The following CSPG4 variants were observed in gnomAD, a reference collection of about 807,000 sequenced individuals.
The protein encoded by CSPG4 is chondroitin sulfate proteoglycan 4 (melanoma-associated).
CSPG4 carries 74 observed loss-of-function variants against 139.3 expected under a neutral mutation model. The observed-to-expected ratio is 0.53, with a 90% CI of 0.44 to 0.64. CSPG4 has a LOEUF of 0.64. Ranked by LOEUF, CSPG4 falls within the 30% of genes least tolerant of loss-of-function variation. The pLI, the probability that CSPG4 is intolerant of heterozygous loss-of-function variation, is 0.00. For synonymous variants in CSPG4, 1,234 were observed against 1,394.2 expected (o/e 0.89, Z 2.56); for missense variants, 2,565 against 3,148.3 (o/e 0.81, Z 4.43).
chr15:75,687,852 T>C lies in CSPG4; in HGVS notation c.3213A>G (p.Val1071=), dbSNP rs923368409. The part of the protein sequence containing the change: ...KDLLFGSIVA[V]DEPTRPIYRF... ...GGTAGATGGGCCGCGTGGGCTCATC[T>C]ACGGCCACGATACTGCCAAAGAGGA... Residue 1071 remains valine (V), a synonymous_variant, in exon 3 of 10, where the codon GTA becomes GTG. Transcript: ENST00000308508. The surrounding 1 kb of genome is among the most constrained non-coding windows in gnomAD (Gnocchi z 5.4). 1 of 1,612,934 alleles carries C rather than the reference T, an allele frequency of 6.2e-7. No homozygotes were observed. Among genetic ancestry groups the C allele is most frequent in the Non-Finnish European group, 8.5e-7 (1 of 1,180,028 alleles).
At position 75,676,992 on chromosome 15, in the gene CSPG4, GC is replaced by G; in HGVS notation, c.5526del (p.Leu1843SerfsTer14). ...PPQPQASVPLRLTRGSRAPIS... is the reference protein window; with the variant it reads ...PPQPQASVPLXLTRGSRAPIS... ...ATGGGGGCACGAGAGCCTCGGGTGA[GC>G]CGGAGTGGGACAGAGGCCTGTGGCT... On this transcript the variant is annotated frameshift_variant, in exon 10 of 10. Coordinates refer to ENST00000308508, the MANE Select transcript of CSPG4 (RefSeq NM_001897.5). LOFTEE classifies it low-confidence loss of function (END_TRUNC). The G allele has an allele frequency of 1.4e-6, 2 of 1,470,822 alleles. No homozygotes were observed. The highest frequency in any genetic ancestry group is 1.8e-6 in the Non-Finnish European group (2 of 1,105,222). The allele number at this position is 1,470,822 out of a possible 1,614,324, so 91.1% of individuals were successfully genotyped here.
intron 8 of CSPG4, 85 bp downstream of exon 8, chr15:75,682,208 C>T (rs545688750): frequency 9.4e-6 from 14 of 1,495,308 alleles, no homozygotes; most frequent in Admixed American, 3.4e-5. Context: ...CTGGAGCTGG[C>T]ATCCATGTCC....
At chr15:75,706,080 A>C (rs944901636) in intron 1 of CSPG4, among the ~76,000 whole-genome samples, 5 of 152,132 alleles carry the variant, frequency 3.3e-5, no homozygotes, top group African/African-American at 1.2e-4. Context: ...TGGCCCCAGC[A>C]ACTGTGCACA....
At chr15:75,712,098 T>G (rs1596015664) in intron 1 of CSPG4, among the ~76,000 whole-genome samples, 2 of 115,488 alleles carry the variant, frequency 1.7e-5, no homozygotes, top group African/African-American at 3.3e-5. Flanking sequence ...AGAGGGGAGG[T>G]GGCAGATAGA....
Position 75,693,157 on chromosome 15 carries a change from G to C in CSPG4, c.165C>G (p.Phe55Leu). The C allele has an allele frequency of 6.2e-7, 1 of 1,606,284 alleles. No homozygotes were observed. Among genetic ancestry groups the C allele is most frequent in the Non-Finnish European group, 8.5e-7 (1 of 1,177,288 alleles). ...ALTDIDLQLQ[F>L]STSQPEALLL... ...GGAGGGCTTCGGGCTGGGACGTGGAGAACTGCAGCTGCAGGTCTATGTCGG... is the reference window on the plus strand; with the variant it reads ...GGAGGGCTTCGGGCTGGGACGTGGACAACTGCAGCTGCAGGTCTATGTCGG... The change falls in exon 2 of 10, where the codon TTC becomes TTG. Residue 55 changes from phenylalanine to leucine, a missense_variant. Transcript: ENST00000308508.
At chr15:75,677,913 G>C in intron 8 of CSPG4, 27 bp from the exon 9 acceptor site, 1 of 1,571,648 alleles carries the variant, frequency 6.4e-7, no homozygotes, top group Non-Finnish European at 8.6e-7. Flanking sequence ...CGTGGGGTGA[G>C]AGGCAGGTCC....
At position 75,677,397 on chromosome 15, in the gene CSPG4, C is replaced by T; in HGVS notation, c.5135-13G>A. The T allele has an allele frequency of 7.1e-7, 1 of 1,404,590 alleles. No homozygotes were observed. Among genetic ancestry groups the T allele is most frequent in the South Asian group, 1.8e-5 (1 of 56,940 alleles). The allele number at this position is 1,404,590 out of a possible 1,614,324, so 87.0% of individuals were successfully genotyped here. On this transcript the variant is annotated splice_polypyrimidine_tract_variant and intron_variant, in intron 9 of 9. Transcript: ENST00000308508. The stretch of plus-strand genomic sequence containing the variant: ...GGGACCCAGAGACCTGGGGGTGGGA[C>T]ATAGGCTATGAGGGTCCAGCCCACT...
Position 75,693,088 on chromosome 15 carries a change from G to C in CSPG4, c.234C>G (p.Leu78=), listed in dbSNP as rs1894185701. Residue 78 remains leucine, a synonymous_variant, in exon 2 of 10, where the codon CTC becomes CTG. Coordinates refer to ENST00000308508, the MANE Select transcript of CSPG4 (RefSeq NM_001897.5). ...CACTCACCTGCAGGCGTCCAGAGTA[G>C]AGCTGCAGCAGGAGGTGGTCAGCTG... ...AGPADHLLLQ[L]YSGRLQVRLV... The C allele has an allele frequency of 1.3e-6, 2 of 1,521,054 alleles. No individual in the cohort carries two copies. Among genetic ancestry groups the C allele is most frequent in the Non-Finnish European group, 9.0e-7 (1 of 1,115,878 alleles). 94.2% of individuals were successfully genotyped at this position (1,521,054 alleles called of 1,614,324 possible). A position where few individuals can be genotyped will look rare whatever the true frequency, so the allele number is the denominator to read the frequency against.
Position 75,676,478 on chromosome 15 carries a change from A to G in CSPG4, c.6041T>C (p.Phe2014Ser). The change falls in exon 10 of 10, where the codon TTC becomes TCC. Residue 2014 changes from phenylalanine (F) to serine (S), a missense_variant. Physicochemically the swap from Phe to Ser is radical, Grantham distance 155. Coordinates refer to ENST00000308508, the MANE Select transcript of CSPG4 (RefSeq NM_001897.5). The stretch of plus-strand genomic sequence containing the variant: ...GTCATGAGAGGAGGAGAAGTTGGTG[A>G]AGGCAAAGACCACCTCGCCCTGGTC... ...QIDQGEVVFA[F>S]TNFSSSHDHF... The G allele has an allele frequency of 1.9e-6, 3 of 1,613,940 alleles. No homozygotes were observed. The highest frequency in any genetic ancestry group is 2.5e-6 in the Non-Finnish European group (3 of 1,179,990).
intron 1 of CSPG4, among the ~76,000 whole-genome samples, chr15:75,710,009 C>T (rs1478405812): frequency 1.3e-5 from 2 of 151,950 alleles, no homozygotes; most frequent in East Asian, 1.9e-4. Context: ...GTGCCTGTCC[C>T]GAGCACCATC....
At chr15:75,686,507 C>A (rs1278752516) in intron 3 of CSPG4, among the ~76,000 whole-genome samples, 1 of 139,768 alleles carries the variant, frequency 7.2e-6, no homozygotes, top group Non-Finnish European at 1.6e-5. Context: ...AACCACCCCC[C>A]AAACTCACAT....
chr15:75,676,976 C>T lies in CSPG4; in HGVS notation c.5543G>A (p.Arg1848His), dbSNP rs202202335. The T allele has an allele frequency of 1.0e-3, 1,545 of 1,483,790 alleles. 1 individual carries two copies. Among genetic ancestry groups the T allele is most frequent in the Non-Finnish European group, 1.2e-3 (1,323 of 1,111,912 alleles). The allele number at this position is 1,483,790 out of a possible 1,614,324, so 91.9% of individuals were successfully genotyped here. The change falls in exon 10 of 10, where the codon CGT becomes CAT. Residue 1848 changes from arginine (R) to histidine (H), a missense_variant. Arg to His is a conservative substitution (Grantham distance 29). Coordinates refer to ENST00000308508, the MANE Select transcript of CSPG4 (RefSeq NM_001897.5). ...SVPLRLTRGSRAPISRAQLSV... is the reference protein window; with the variant it reads ...SVPLRLTRGSHAPISRAQLSV... ...CAGCTGGGCCCGGGAGATGGGGGCA[C>T]GAGAGCCTCGGGTGAGCCGGAGTGG...
At chr15:75,690,854 G>A (rs1894156745) in intron 2 of CSPG4, 42 bp from the exon 3 acceptor site, 9 of 1,559,238 alleles carry the variant, frequency 5.8e-6, no homozygotes, top group Non-Finnish European at 7.8e-6. Flanking sequence ...ACAGCACTTT[G>A]GATCCATCAT....
chr15:75,675,594 G>A lies in CSPG4; in HGVS notation c.6925C>T (p.Arg2309Trp), dbSNP rs563285050. 12 of 1,511,806 alleles carry A rather than the reference G, an allele frequency of 7.9e-6. No individual in the cohort carries two copies. Among genetic ancestry groups the A allele is most frequent in the African/African-American group, 7.0e-5 (5 of 71,592 alleles). The allele number at this position is 1,511,806 out of a possible 1,614,324, so 93.6% of individuals were successfully genotyped here. The stretch of plus-strand genomic sequence containing the variant: ...TTCTTAAGGGCAGGGTTGGGTGTCC[G>A]GCAGAACTGCAGCAGCTCTGGGTCA... ...QPDPELLQFC[R>W]TPNPALKNGQ... Residue 2309 changes from arginine (R) to tryptophan (W), a missense_variant, in exon 10 of 10, where the codon CGG becomes TGG. Physicochemically the swap from Arg to Trp is moderately radical, Grantham distance 101. Coordinates refer to ENST00000308508, the MANE Select transcript of CSPG4 (RefSeq NM_001897.5).
At chr15:75,699,119 G>T (rs113440040) in intron 1 of CSPG4, among the ~76,000 whole-genome samples, 3,224 of 152,322 alleles carry the variant, frequency 0.021, 127 homozygotes, top group African/African-American at 0.073. Context: ...CCGAAATGCG[G>T]ACAACAGTAG....
Position 75,677,724 on chromosome 15 carries a change from T to G in CSPG4, c.5113A>C (p.Ser1705Arg). 6.2e-7 allele frequency: 1 copy of G among 1,604,056 alleles called. No homozygotes were observed. Among genetic ancestry groups the G allele is most frequent in the Non-Finnish European group, 8.5e-7 (1 of 1,175,958 alleles). The change falls in exon 9 of 10, where the codon AGC becomes CGC. Residue 1705 changes from serine to arginine, a missense_variant. Transcript: ENST00000308508. ...TCACCTTTGTTCTTCCAGAGGTGGC[T>G]GGGGCGCTGGGGACAGGCAGCCTCA... ...SFEAACPQRP[S>R]HLWKNKGLWV...
Position 75,687,476 on chromosome 15 carries a change from C to T in CSPG4, c.3589G>A (p.Val1197Ile), listed in dbSNP as rs774099952. Residue 1197 changes from valine (V) to isoleucine (I), a missense_variant, in exon 3 of 10, where the codon GTT becomes ATT. Val to Ile is a conservative substitution (Grantham distance 29, BLOSUM62 3). Around this residue, in one of 5 missense-constraint regions of CSPG4, gnomAD observed 2,316 missense variants for 2,818.2 expected, o/e 0.82. Transcript: ENST00000308508. This position sits in a 1 kb window ranked among gnomAD's most constrained non-coding sequence, Gnocchi z 5.4. ...AGGCTGCCATTGTGGCTATAGAGAACGGCCCCATCCAGCAGGTCCTGCTGG... is the reference window on the plus strand; with the variant it reads ...AGGCTGCCATTGTGGCTATAGAGAATGGCCCCATCCAGCAGGTCCTGCTGG... Reference protein sequence around the residue: ...FSQQDLLDGAVLYSHNGSLSP... With the variant: ...FSQQDLLDGAILYSHNGSLSP... 86 of 1,612,178 alleles carry T rather than the reference C, an allele frequency of 5.3e-5. No individual in the cohort carries two copies. In the East Asian group the frequency reaches 8.7e-4, roughly 16 times the overall value.
In CSPG4 at chr15:75,674,591, T is replaced by C; in HGVS notation, c.*959A>G. Reference sequence around the variant, plus strand: ...CAAGCCGACGCAGACAAGGGCCCAGTGCATAGTTAAGACACAAACACCACA... The same window carrying C: ...CAAGCCGACGCAGACAAGGGCCCAGCGCATAGTTAAGACACAAACACCACA... On this transcript the variant is annotated 3_prime_UTR_variant, in exon 10 of 10. Coordinates refer to ENST00000308508, the MANE Select transcript of CSPG4 (RefSeq NM_001897.5). The C allele has an allele frequency of 5.0e-6, 2 of 397,186 alleles. No individual in the cohort carries two copies. The highest frequency in any genetic ancestry group is 8.9e-6 in the Non-Finnish European group (2 of 225,280). 24.6% of individuals were successfully genotyped at this position (397,186 alleles called of 1,614,324 possible).
chr15:75,677,660 A>T (rs772449117), intron 9 of CSPG4, 43 bp downstream of exon 9: 2 of 1,551,246 alleles, frequency 1.3e-6, no homozygotes, highest in Non-Finnish European at 1.7e-6. Context: ...GGCCTCTCCC[A>T]TTGTCCCTCC....
Sources: gnomAD v4.1 joint callset for allele counts (sites outside exome capture counted in the v4.1 genomes callset) on GRCh38, gnomAD v4.1.1 for gene constraint, gnomAD v4.1.1 regional missense constraint, Gnocchi (gnomAD v3.1) non-coding constraint, MANE v1.5 for transcripts, NCBI Gene and HGNC (gene_info 2026-07-23, HGNC 2026-07-21) for gene names.